CACNB4: variants seen among roughly 807,000 people sequenced by gnomAD.
CACNB4 encodes voltage-dependent L-type calcium channel subunit beta-4.
A neutral mutation model predicts 71.2 loss-of-function variants in CACNB4; 32 were observed. The ratio of observed to expected loss-of-function variants is 0.45; its 90% CI spans 0.34 to 0.60. The LOEUF (loss-of-function observed/expected upper bound fraction) is 0.60. Among genes scored for constraint, CACNB4 ranks in the 20% least tolerant of loss-of-function variants. The pLI is 0.01. For synonymous variants in CACNB4, 231 were observed against 236.9 expected (o/e 0.97, Z 0.23); for missense variants, 464 against 647.9 (o/e 0.72, Z 3.08).
intron 2 of CACNB4, among the ~76,000 whole-genome samples, chr2:151,889,844 AG>A (rs896084599): frequency 5.3e-5 from 8 of 152,172 alleles, no homozygotes; most frequent in Non-Finnish European, 8.8e-5. Context: ...TAGGCCCTAC[AG>A]TGCCTGGCAT....
At chr2:152,034,000 C>A (rs930252091) in intron 2 of CACNB4, among the ~76,000 whole-genome samples, 3 of 152,106 alleles carry the variant, frequency 2.0e-5, no homozygotes, top group Non-Finnish European at 4.4e-5. Flanking sequence ...TTTTTAATTC[C>A]TGTCTCCTAA....
chr2:151,928,203 A>T (rs1039417032), intron 2 of CACNB4, among the ~76,000 whole-genome samples: 6 of 152,248 alleles, frequency 3.9e-5, no homozygotes, highest in Non-Finnish European at 8.8e-5. Context: ...AATGATAGTC[A>T]TGTATTGCCT....
intron 2 of CACNB4, among the ~76,000 whole-genome samples, chr2:152,053,089 G>A (rs972079313): frequency 3.0e-4 from 45 of 152,084 alleles, no homozygotes; most frequent in Non-Finnish European, 5.9e-5. Flanking sequence ...GGAATCTCTA[G>A]AACTCTGGAA....
chr2:152,072,508 T>C (rs919453938), intron 2 of CACNB4, among the ~76,000 whole-genome samples: 5 of 152,236 alleles, frequency 3.3e-5, no homozygotes, highest in Non-Finnish European at 1.5e-5. Context: ...CTCAAGATAA[T>C]ATCGTAAGTC....
chr2:151,861,609 G>C (rs1033245201), intron 9 of CACNB4: 1 of 152,094 alleles, frequency 6.6e-6, no homozygotes, highest in Admixed American at 6.6e-5. Context: ...TTGGGAGGCC[G>C]ACATGGGTGG....
chr2:152,077,804 G>A (rs1284985028), intron 2 of CACNB4, among the ~76,000 whole-genome samples: 1 of 152,158 alleles, frequency 6.6e-6, no homozygotes, highest in Non-Finnish European at 1.5e-5. Flanking sequence ...GATGAAGTAA[G>A]AGAGTCTGAC....
chr2:151,873,176 TAGAAATA>T (rs1348980840), intron 5 of CACNB4: 1 of 152,336 alleles, frequency 6.6e-6, no homozygotes, highest in East Asian at 1.9e-4. Flanking sequence ...TTTTGGAAAG[TAGAAATA>T]AGACAGCGGC....
intron 2 of CACNB4, among the ~76,000 whole-genome samples, chr2:151,934,843 A>C (rs1318152358): frequency 6.6e-6 from 1 of 152,256 alleles, no homozygotes; most frequent in South Asian, 2.1e-4. Flanking sequence ...CTCAAAAAAA[A>C]GAAAAAATCC....
At chr2:151,864,157 C>G (rs992360041) in intron 9 of CACNB4, among the ~76,000 whole-genome samples, 8 of 152,116 alleles carry the variant, frequency 5.3e-5, no homozygotes, top group African/African-American at 1.9e-4. Flanking sequence ...TCCCATGTAC[C>G]TTGTTTGGTA....
At chr2:151,879,521 G>A (rs1432765813) in intron 4 of CACNB4, 1 of 152,068 alleles carries the variant, frequency 6.6e-6, no homozygotes, top group Non-Finnish European at 1.5e-5. Context: ...GGATGAGAGG[G>A]AAGGCTATAA....
intron 12 of CACNB4, among the ~76,000 whole-genome samples, chr2:151,847,319 G>A (rs886639308): frequency 6.6e-6 from 1 of 151,966 alleles, no homozygotes; most frequent in Admixed American, 6.6e-5. Flanking sequence ...GGTCATGATT[G>A]CACCACTGCA....
intron 9 of CACNB4, among the ~76,000 whole-genome samples, chr2:151,861,957 CTA>C (rs1213038105): frequency 6.6e-6 from 1 of 151,756 alleles, no homozygotes; most frequent in African/African-American, 2.4e-5. Context: ...AATTTAAAGA[CTA>C]TTTTAAACTG....
At chr2:151,910,034 G>A (rs566458718) in intron 2 of CACNB4, among the ~76,000 whole-genome samples, 5 of 152,050 alleles carry the variant, frequency 3.3e-5, no homozygotes, top group Non-Finnish European at 5.9e-5. Flanking sequence ...CCACAGCCTC[G>A]CCAGCATCTG....
At chr2:151,868,797 CACACACAT>C (rs1458863729) in intron 9 of CACNB4, 3 of 153,070 alleles carry the variant, frequency 2.0e-5, no homozygotes, top group South Asian at 2.1e-4. Context: ...CACACACACA[CACACACAT>C]ACACAATTCC....
intron 3 of CACNB4, among the ~76,000 whole-genome samples, chr2:151,882,345 T>C (rs920138717): frequency 6.6e-6 from 1 of 151,954 alleles, no homozygotes; most frequent in South Asian, 2.1e-4. Flanking sequence ...TGAGCCACCA[T>C]GCACAGCCTC....
chr2:151,959,790 A>G (rs1394081064), intron 2 of CACNB4, among the ~76,000 whole-genome samples: 4 of 152,226 alleles, frequency 2.6e-5, no homozygotes, highest in Non-Finnish European at 5.9e-5. Context: ...GCAGAACAAT[A>G]TCATATTTAT....
chr2:151,926,204 G>C (rs191262257), intron 2 of CACNB4, among the ~76,000 whole-genome samples: 1 of 152,254 alleles, frequency 6.6e-6, no homozygotes, highest in Non-Finnish European at 1.5e-5. Flanking sequence ...AGAAGATGAG[G>C]AATCAGTATA....
chr2:151,842,787 G>A lies in CACNB4; in HGVS notation c.1117-699C>T, dbSNP rs144408407. On this transcript the variant is annotated intron_variant, in intron 12 of 13. Coordinates refer to ENST00000539935, the MANE Select transcript of CACNB4 (RefSeq NM_000726.5). ...TGGAATATGAGAGAAGCAAGTTTGTGGCACTGAGAAGGGAGTTCTAGACAT... is the reference window on the plus strand; with the variant it reads ...TGGAATATGAGAGAAGCAAGTTTGTAGCACTGAGAAGGGAGTTCTAGACAT... 3.9e-5 allele frequency among the ~76,000 whole-genome samples: 6 copies of A among 152,256 alleles called. No individual in the cohort carries two copies. The East Asian group carries it at 1.2e-3, about 29-fold the overall frequency.
At position 151,961,387 on chromosome 2, in the gene CACNB4, A is replaced by G. The variant is rs561747797; in HGVS notation, c.148-78017T>C. ...CTTCTCAAGCTTTCTCCACAAAACT[A>G]ACATTTAAATCTTTTATTTGCTCCT... On this transcript the variant is annotated intron_variant, in intron 2 of 13. Coordinates refer to ENST00000539935, the MANE Select transcript of CACNB4 (RefSeq NM_000726.5). Among the ~76,000 whole-genome samples the G allele has an allele frequency of 2.0e-5, 3 of 152,354 alleles. No homozygotes were observed. The East Asian group carries it at 5.8e-4, about 29-fold the overall frequency.
Sources: allele counts gnomAD v4.1 joint callset (sites outside exome capture counted in the v4.1 genomes callset), GRCh38; gene constraint gnomAD v4.1.1; transcripts MANE v1.5; gene names NCBI Gene and HGNC (gene_info 2026-07-23, HGNC 2026-07-21).